The following PIEZO2 variants were observed in gnomAD, a reference collection of about 807,000 sequenced individuals.
PIEZO2 encodes the protein piezo type mechanosensitive ion channel component 2.
A neutral mutation model predicts 337.3 loss-of-function variants in PIEZO2; 172 were observed. That is an observed-to-expected ratio of 0.51 (90% CI 0.45 to 0.58). The LOEUF is 0.58. PIEZO2 is among the 20% of genes least tolerant of loss of function. The probability of loss-of-function intolerance (pLI) is 0.00; values close to 1 mark genes in which losing one functional copy is unlikely to be tolerated. For missense variants in PIEZO2, 3,028 were observed against 3,391.3 expected, an observed-to-expected ratio of 0.89 and a Z score of 2.66; for synonymous variants, 1,251 against 1,228.5, an observed-to-expected ratio of 1.02 and a Z score of -0.38.
At chr18:10,814,207 G>C (rs1334095633) in intron 7 of PIEZO2, among the ~76,000 whole-genome samples, 1 of 152,004 alleles carries the variant, frequency 6.6e-6, no homozygotes, top group African/African-American at 2.4e-5. Flanking sequence ...CTGACCTCAT[G>C]ATCTGCCCGC....
chr18:11,108,741 T>C (rs1242664722), intron 1 of PIEZO2, among the ~76,000 whole-genome samples: 6 of 151,790 alleles, frequency 4.0e-5, no homozygotes, highest in East Asian at 1.9e-4. Context: ...GTCTGTCTCA[T>C]GTTAGGGGAA....
In PIEZO2 at chr18:10,916,701, G is replaced by T. The variant is rs192583121; in HGVS notation, c.287-5473C>A. 6.0e-4 allele frequency among the ~76,000 whole-genome samples: 92 copies of T among 152,284 alleles called. 1 individual carries two copies. Among genetic ancestry groups the T allele is most frequent in the African/African-American group, 1.9e-3 (80 of 41,582 alleles). On this transcript the variant is annotated intron_variant, in intron 3 of 55. Coordinates refer to ENST00000674853, the MANE Select transcript of PIEZO2 (RefSeq NM_001378183.1). ...CCACAAGGAGAGGGAGCCAGCTGCAGCCTCGGCCAGCCCAGAGACGCGCTC... is the reference window on the plus strand; with the variant it reads ...CCACAAGGAGAGGGAGCCAGCTGCATCCTCGGCCAGCCCAGAGACGCGCTC...
chr18:10,725,737 G>A (rs2036508561), intron 36 of PIEZO2, among the ~76,000 whole-genome samples: 2 of 152,172 alleles, frequency 1.3e-5, no homozygotes, highest in African/African-American at 4.8e-5. Flanking sequence ...CCACAGTGGC[G>A]GCAGGGCTGG....
chr18:10,930,448 T>G (rs1172490039), intron 3 of PIEZO2, among the ~76,000 whole-genome samples: 2 of 152,236 alleles, frequency 1.3e-5, no homozygotes, highest in African/African-American at 4.8e-5. Flanking sequence ...TCCCCCTTTC[T>G]GGGCTGTCCA....
chr18:10,723,343 G>T (rs182719661), intron 36 of PIEZO2, among the ~76,000 whole-genome samples: 2 of 152,270 alleles, frequency 1.3e-5, no homozygotes, highest in East Asian at 3.9e-4. Context: ...ACCTTGATCA[G>T]ATCAATTTGG....
At chr18:10,740,782 A>C (rs900213987) in intron 33 of PIEZO2, 2 of 641,616 alleles carry the variant, frequency 3.1e-6, no homozygotes, top group Non-Finnish European at 5.6e-6. Context: ...CCTAGAGTCT[A>C]TAAGCCACGT....
chr18:10,906,458 C>T (rs796221953), intron 4 of PIEZO2, among the ~76,000 whole-genome samples: 3 of 152,182 alleles, frequency 2.0e-5, no homozygotes, highest in African/African-American at 7.2e-5. Flanking sequence ...ATACTCAAGC[C>T]TATTTACTTG....
chr18:10,718,173 A>C (rs2036091184), intron 37 of PIEZO2, 27 bp downstream of exon 37: 1 of 1,523,084 alleles, frequency 6.6e-7, no homozygotes, highest in African/African-American at 1.4e-5. Flanking sequence ...AAGTTCCCAC[A>C]GCTCATATTT....
rs2039731365 is a variant in PIEZO2, at chr18:11,111,488, T to C, written c.64+37037A>G. 6.6e-6 allele frequency among the ~76,000 whole-genome samples: 1 copy of C among 152,218 alleles called. No homozygotes were observed. Among genetic ancestry groups the C allele is most frequent in the Non-Finnish European group, 1.5e-5 (1 of 68,034 alleles). ...CGTGGCAACAATAGGCTGCCCCTTC[T>C]GGAGAAGCATGCACCACCCAGTGGC... On this transcript the variant is annotated intron_variant, in intron 1 of 55. Transcript: ENST00000674853. The surrounding 1 kb of genome is among the most constrained non-coding windows in gnomAD (Gnocchi z 6.2).
At chr18:11,141,712 G>A (rs537253649) in intron 1 of PIEZO2, among the ~76,000 whole-genome samples, 25 of 152,290 alleles carry the variant, frequency 1.6e-4, no homozygotes, top group Admixed American at 6.5e-5. Flanking sequence ...CACCAGAGAA[G>A]GCCCCGGGGA....
intron 2 of PIEZO2, among the ~76,000 whole-genome samples, chr18:10,999,912 A>G (rs557388667): frequency 4.9e-4 from 75 of 152,310 alleles, no homozygotes; most frequent in Non-Finnish European, 9.7e-4. Flanking sequence ...GGACTTCGAA[A>G]TAAACTCAGA....
At chr18:11,072,082 A>T (rs970742955) in intron 1 of PIEZO2, among the ~76,000 whole-genome samples, 2 of 152,016 alleles carry the variant, frequency 1.3e-5, no homozygotes, top group South Asian at 2.1e-4. Flanking sequence ...TCCAACAGAG[A>T]TTTCTTAGTC....
At chr18:10,983,280 C>A (rs919518607) in intron 2 of PIEZO2, among the ~76,000 whole-genome samples, 21 of 151,970 alleles carry the variant, frequency 1.4e-4, no homozygotes, top group Admixed American at 3.9e-4. Flanking sequence ...TTTGTGGGAG[C>A]CCCAGAATCT....
In PIEZO2 at chr18:10,878,087, C is replaced by T. The variant is rs1433365533; in HGVS notation, c.330-6672G>A. On this transcript the variant is annotated intron_variant, in intron 4 of 55. Transcript: ENST00000674853. This position sits in a 1 kb window ranked among gnomAD's most constrained non-coding sequence, Gnocchi z 4.3. ...CACACCCATTCCAGAATAGAATGGA[C>T]CGCCATCCCTCCCACATCCTCCATC... Among the ~76,000 whole-genome samples the T allele has an allele frequency of 6.6e-6, 1 of 152,128 alleles. No homozygotes were observed. Among genetic ancestry groups the T allele is most frequent in the Non-Finnish European group, 1.5e-5 (1 of 68,022 alleles).
intron 3 of PIEZO2, among the ~76,000 whole-genome samples, chr18:10,917,964 T>G (rs62085204): frequency 6.6e-6 from 1 of 152,184 alleles, no homozygotes; most frequent in Non-Finnish European, 1.5e-5. Flanking sequence ...TACCATGCAT[T>G]GAACACTGAA....
intron 7 of PIEZO2, among the ~76,000 whole-genome samples, chr18:10,832,766 G>A (rs549031749): frequency 4.6e-5 from 7 of 152,280 alleles, no homozygotes; most frequent in South Asian, 4.1e-4. Context: ...GCTTCTCCTC[G>A]TGGGCTCCTT....
intron 7 of PIEZO2, among the ~76,000 whole-genome samples, chr18:10,814,583 T>C (rs1223089035): frequency 1.3e-5 from 2 of 152,048 alleles, no homozygotes; most frequent in African/African-American, 4.8e-5. Flanking sequence ...GAAACCACAC[T>C]CAACAGAGAG....
chr18:11,107,605 TAAAG>T (rs956715491), intron 1 of PIEZO2, among the ~76,000 whole-genome samples: 1 of 152,204 alleles, frequency 6.6e-6, no homozygotes, highest in Non-Finnish European at 1.5e-5. Flanking sequence ...ATGATGGCGT[TAAAG>T]AACACTCAAA....
intron 2 of PIEZO2, among the ~76,000 whole-genome samples, chr18:11,039,764 A>ACACC (rs1209622406): frequency 6.9e-6 from 1 of 144,142 alleles, no homozygotes; most frequent in Non-Finnish European, 1.5e-5. Context: ...ACACACACAC[A>ACACC]CACACACACA....
Sources: allele counts gnomAD v4.1 joint callset (sites outside exome capture counted in the v4.1 genomes callset), GRCh38; gene constraint gnomAD v4.1.1; non-coding constraint Gnocchi (gnomAD v3.1); transcripts MANE v1.5; gene names NCBI Gene and HGNC (gene_info 2026-07-23, HGNC 2026-07-21).